Variants in LCA5 observed in about 807,000 individuals in gnomAD.
The protein encoded by LCA5 is lebercilin LCA5, also known as lebercilin.
In LCA5, 37 loss-of-function variants were observed where a neutral mutation model predicts 53.0. The ratio of observed to expected loss-of-function variants is 0.70; its 90% CI spans 0.54 to 0.92. The LOEUF is 0.92. LCA5 is among the 40% of genes least tolerant of loss of function. The pLI is 0.00. For synonymous variants in LCA5, 303 were observed against 282.9 expected, an observed-to-expected ratio of 1.07 and a Z score of -0.71; for missense variants, 806 against 790.5, an observed-to-expected ratio of 1.02 and a Z score of -0.23.
intron 3 of LCA5, among the ~76,000 whole-genome samples, chr6:79,496,795 C>G (rs902571584): frequency 1.3e-5 from 2 of 152,036 alleles, no homozygotes; most frequent in Non-Finnish European, 2.9e-5. Context: ...GACATTAGTA[C>G]AATTTCAAGG....
intron 1 of LCA5, among the ~76,000 whole-genome samples, chr6:79,523,269 T>C (rs1766679700): frequency 6.6e-6 from 1 of 152,078 alleles, no homozygotes; most frequent in Non-Finnish European, 1.5e-5. Context: ...AAAATATACA[T>C]AAATCAGCCT....
chr6:79,492,542 T>C lies in LCA5; in HGVS notation c.955+9A>G. 6 of 1,360,314 alleles carry C rather than the reference T, an allele frequency of 4.4e-6. No homozygotes were observed. The highest frequency in any genetic ancestry group is 1.2e-5 in the South Asian group (1 of 81,252). 84.3% of individuals were successfully genotyped at this position (1,360,314 alleles called of 1,614,324 possible). A position where few individuals can be genotyped will look rare whatever the true frequency, so the allele number is the denominator to read the frequency against. On this transcript the variant is annotated intron_variant, in intron 5 of 7. Coordinates refer to ENST00000369846, the MANE Select transcript of LCA5 (RefSeq NM_001122769.3). ...AATATCAGTTTTTGAACAATCATATTTACCATACCATTTTTTCTTAATGCA... is the reference window on the plus strand; with the variant it reads ...AATATCAGTTTTTGAACAATCATATCTACCATACCATTTTTTCTTAATGCA...
intron 2 of LCA5, among the ~76,000 whole-genome samples, chr6:79,518,447 A>T (rs1582645219): frequency 4.6e-5 from 7 of 152,200 alleles, no homozygotes; most frequent in Admixed American, 4.6e-4. Context: ...TTATTTAGGA[A>T]AAAGAAAAAA....
intron 3 of LCA5, among the ~76,000 whole-genome samples, chr6:79,507,193 C>T (rs1352055273): frequency 1.3e-5 from 2 of 152,064 alleles, no homozygotes; most frequent in African/African-American, 2.4e-5. Context: ...CAGCTGTCCC[C>T]TATTAAGCCA....
chr6:79,491,630 C>T lies in LCA5; in HGVS notation c.1056G>A (p.Met352Ile), dbSNP rs781037539. The change falls in exon 6 of 8, where the codon ATG (methionine) becomes ATA (isoleucine). Residue 352 changes from methionine (M) to isoleucine (I), a missense_variant. Transcript: ENST00000369846. The part of the protein sequence containing the change: ...EEYPLTPETI[M>I]CYENKWEEPG... ...GTTCTTCCCATTTGTTTTCGTAACACATAATTGTTTCTGGAGTTAAAGGAT... is the reference window on the plus strand; with the variant it reads ...GTTCTTCCCATTTGTTTTCGTAACATATAATTGTTTCTGGAGTTAAAGGAT... 2 of 1,613,200 alleles carry T rather than the reference C, an allele frequency of 1.2e-6. No homozygotes were observed. Among genetic ancestry groups the T allele is most frequent in the Admixed American group, 3.3e-5 (2 of 59,994 alleles).
chr6:79,525,836 C>T (rs1174828665), intron 1 of LCA5, among the ~76,000 whole-genome samples: 1 of 152,128 alleles, frequency 6.6e-6, no homozygotes, highest in African/African-American at 2.4e-5. Context: ...AGCCACAAGC[C>T]GGAGCAGACA....
chr6:79,523,348 TA>T (rs1376722535), intron 1 of LCA5, among the ~76,000 whole-genome samples: 1 of 152,166 alleles, frequency 6.6e-6, no homozygotes, highest in African/African-American at 2.4e-5. Context: ...AAAAAAAGGA[TA>T]ATGATAACAG....
intron 1 of LCA5, among the ~76,000 whole-genome samples, chr6:79,530,348 G>A (rs1041183033): frequency 1.3e-5 from 2 of 151,976 alleles, no homozygotes; most frequent in South Asian, 4.1e-4. Flanking sequence ...ACACACTAGG[G>A]ACTATTAAAG....
At chr6:79,510,875 C>CA (rs1421773433) in intron 3 of LCA5, among the ~76,000 whole-genome samples, 1 of 152,116 alleles carries the variant, frequency 6.6e-6, no homozygotes, top group African/African-American at 2.4e-5. Context: ...GATGATGCTG[C>CA]ATACCTATCA....
chr6:79,525,307 C>G (rs917013719), intron 1 of LCA5: 1 of 152,146 alleles, frequency 6.6e-6, no homozygotes, highest in African/African-American at 2.4e-5. Context: ...GGAAATGAGA[C>G]CACTCCTAGG....
chr6:79,488,341 C>T (rs1304101360), intron 7 of LCA5: 3 of 157,074 alleles, frequency 1.9e-5, no homozygotes, highest in African/African-American at 7.2e-5. Context: ...AAAAATGGGT[C>T]TATATTCATC....
At chr6:79,495,079 G>A (rs937210155) in intron 3 of LCA5, among the ~76,000 whole-genome samples, 3 of 152,186 alleles carry the variant, frequency 2.0e-5, no homozygotes, top group Non-Finnish European at 2.9e-5. Context: ...GAGCAAGCGC[G>A]AGCATTACCA....
chr6:79,497,856 C>T (rs556577913), intron 3 of LCA5, among the ~76,000 whole-genome samples: 3 of 151,556 alleles, frequency 2.0e-5, no homozygotes, highest in South Asian at 4.2e-4. Context: ...ACCTGTAATT[C>T]CAGCTACTCA....
chr6:79,495,833 G>A (rs1393440491), intron 3 of LCA5, among the ~76,000 whole-genome samples: 2 of 151,712 alleles, frequency 1.3e-5, no homozygotes, highest in Non-Finnish European at 2.9e-5. Flanking sequence ...ATTTGGTTGT[G>A]GAATGTGGAA....
intron 2 of LCA5, among the ~76,000 whole-genome samples, chr6:79,514,754 C>T (rs796282203): frequency 3.9e-4 from 59 of 152,092 alleles, no homozygotes; most frequent in African/African-American, 1.4e-3. Context: ...AGCAAACTAA[C>T]GCAGGAACAG....
chr6:79,493,842 G>A, intron 3 of LCA5, 92 bp from the exon 4 acceptor site: 1 of 989,572 alleles, frequency 1.0e-6, no homozygotes. Flanking sequence ...GTTTTTAGTG[G>A]TATTGTCCAA....
chr6:79,503,476 A>G (rs975230715), intron 3 of LCA5, among the ~76,000 whole-genome samples: 1 of 152,232 alleles, frequency 6.6e-6, no homozygotes, highest in Non-Finnish European at 1.5e-5. Flanking sequence ...AGAACTCTTG[A>G]AGTCCACTGA....
At chr6:79,500,456 T>C (rs972508901) in intron 3 of LCA5, among the ~76,000 whole-genome samples, 1 of 152,214 alleles carries the variant, frequency 6.6e-6, no homozygotes, top group Non-Finnish European at 1.5e-5. Flanking sequence ...CAATATTGCA[T>C]TTGTTAAAAT....
At chr6:79,510,249 G>A (rs1770376796) in intron 3 of LCA5, among the ~76,000 whole-genome samples, 1 of 152,070 alleles carries the variant, frequency 6.6e-6, no homozygotes, top group Admixed American at 6.6e-5. Context: ...TTCAATAAAG[G>A]AGGGATATCT....
Sources: gnomAD v4.1 joint callset for allele counts (sites outside exome capture counted in the v4.1 genomes callset) on GRCh38, gnomAD v4.1.1 for gene constraint, MANE v1.5 for transcripts, NCBI Gene and HGNC (gene_info 2026-07-23, HGNC 2026-07-21) for gene names.